The following PRKAR1B variants were observed in gnomAD, a reference collection of about 807,000 sequenced individuals.
The protein encoded by PRKAR1B is cAMP-dependent protein kinase type I-beta regulatory subunit.
A neutral mutation model predicts 46.5 loss-of-function variants in PRKAR1B; 22 were observed. The observed-to-expected ratio is 0.47, with a 90% CI of 0.34 to 0.68. PRKAR1B has a LOEUF of 0.68. PRKAR1B is among the 30% of genes least tolerant of loss of function. PRKAR1B has a pLI of 0.01. For missense variants in PRKAR1B, 445 were observed against 535.6 expected (o/e 0.83, Z 1.67); for synonymous variants, 259 against 217.7 (o/e 1.19, Z -1.67).
chr7:645,105 C>T (rs913909946), intron 4 of PRKAR1B, among the ~76,000 whole-genome samples: 13 of 152,178 alleles, frequency 8.5e-5, no homozygotes, highest in Admixed American at 3.3e-4. Flanking sequence ...CCACCACATC[C>T]TCCCCTCACA....
At chr7:656,913 A>G (rs1264324328) in intron 4 of PRKAR1B, among the ~76,000 whole-genome samples, 1 of 145,524 alleles carries the variant, frequency 6.9e-6, no homozygotes, top group Non-Finnish European at 1.5e-5. Flanking sequence ...GGATGGACGG[A>G]CGGATGGATG....
chr7:597,160 A>G (rs1159414514), intron 6 of PRKAR1B, among the ~76,000 whole-genome samples: 2 of 152,290 alleles, frequency 1.3e-5, no homozygotes, highest in African/African-American at 4.8e-5. Context: ...GAGCTTAAAG[A>G]ATAGTTCCCA....
At chr7:671,349 TC>T (rs1786244127) in intron 4 of PRKAR1B, among the ~76,000 whole-genome samples, 1 of 152,184 alleles carries the variant, frequency 6.6e-6, no homozygotes, top group South Asian at 2.1e-4. Flanking sequence ...TGTGGCTACT[TC>T]AAGAGGAACG....
intron 4 of PRKAR1B, among the ~76,000 whole-genome samples, chr7:614,434 C>A (rs1054107591): frequency 1.3e-5 from 2 of 152,188 alleles, no homozygotes; most frequent in African/African-American, 4.8e-5. Context: ...CCCCACTTCA[C>A]AGACAAGGAA....
rs1778603807 is a variant in PRKAR1B at position 680,463 on chromosome 7, G to A, written c.348+93C>T. On this transcript the variant is annotated intron_variant, in intron 3 of 10. Coordinates refer to ENST00000537384, the MANE Select transcript of PRKAR1B (RefSeq NM_001164760.2). Reference sequence around the variant, plus strand: ...AGGATGACACTGAGACCCCCAGGAGGATGAGGGTGCCCCGTGGGCTTCCAG... The same window carrying A: ...AGGATGACACTGAGACCCCCAGGAGAATGAGGGTGCCCCGTGGGCTTCCAG... The A allele has an allele frequency of 1.6e-5, 20 of 1,267,208 alleles. No homozygotes were observed. In the South Asian group the frequency reaches 1.8e-4, roughly 12 times the overall value. 78.5% of individuals were successfully genotyped at this position (1,267,208 alleles called of 1,614,324 possible). A position where few individuals can be genotyped will look rare whatever the true frequency, so the allele number is the denominator to read the frequency against.
chr7:724,757 C>G (rs1188545651), intron 1 of PRKAR1B, among the ~76,000 whole-genome samples: 1 of 152,244 alleles, frequency 6.6e-6, no homozygotes, highest in Non-Finnish European at 1.5e-5. Flanking sequence ...TAAGGGCTAT[C>G]TCATCCTGCA....
chr7:554,401 TTC>T (rs1302550974), intron 9 of PRKAR1B, among the ~76,000 whole-genome samples: 14 of 152,218 alleles, frequency 9.2e-5, no homozygotes, highest in Middle Eastern at 3.2e-3. Context: ...TTTTAACACT[TTC>T]TGTTTCACAG....
intron 1 of PRKAR1B, among the ~76,000 whole-genome samples, chr7:723,673 G>A (rs1431948594): frequency 6.6e-6 from 1 of 152,160 alleles, no homozygotes; most frequent in Non-Finnish European, 1.5e-5. Context: ...AGCCAAAGGG[G>A]TCCTTGAAAA....
In PRKAR1B at chr7:593,757, C is replaced by G. The variant is rs1781117443; in HGVS notation, c.708+2389G>C. 6.6e-6 allele frequency among the ~76,000 whole-genome samples: 1 copy of G among 152,180 alleles called. No individual in the cohort carries two copies. The highest frequency in any genetic ancestry group is 2.1e-4 in the South Asian group (1 of 4,832). ...ACAGAAGAGAGGGAGCGTGCAACTC[C>G]TCCCAGGAGGCTGCACATCATCTGT... On this transcript the variant is annotated intron_variant, in intron 7 of 10. Transcript: ENST00000537384. The surrounding 1 kb of genome is among the most constrained non-coding windows in gnomAD (Gnocchi z 6.1).
rs144436087 is a variant in PRKAR1B, at chr7:556,235, C to A, written c.892-4765G>T. Among the ~76,000 whole-genome samples, 271 of 152,206 alleles carry A rather than the reference C, an allele frequency of 1.8e-3. 1 individual carries two copies. The highest frequency in any genetic ancestry group is 6.1e-3 in the African/African-American group (254 of 41,532). On this transcript the variant is annotated intron_variant, in intron 9 of 10. Coordinates refer to ENST00000537384, the MANE Select transcript of PRKAR1B (RefSeq NM_001164760.2). ...TTCCCACCAAGAGTGACTGGACACC[C>A]ACCACGTGCCAGGCACCGTTTTAGG...
Position 644,055 on chromosome 7 carries a change from G to A in PRKAR1B, c.440+33174C>T, listed in dbSNP as rs1437668545. ...GGCTGCCCAGTGCTACGAAGCTAGG[G>A]GCGGCTGCTACACGGCCCACTACAC... On this transcript the variant is annotated intron_variant, in intron 4 of 10. Coordinates refer to ENST00000537384, the MANE Select transcript of PRKAR1B (RefSeq NM_001164760.2). The surrounding 1 kb of genome is among the most constrained non-coding windows in gnomAD (Gnocchi z 4.9). 6.6e-6 allele frequency among the ~76,000 whole-genome samples: 1 copy of A among 152,074 alleles called. No homozygotes were observed. The highest frequency in any genetic ancestry group is 1.5e-5 in the Non-Finnish European group (1 of 68,022).
chr7:618,890 T>C (rs1459051205), intron 4 of PRKAR1B, among the ~76,000 whole-genome samples: 1 of 152,202 alleles, frequency 6.6e-6, no homozygotes, highest in Non-Finnish European at 1.5e-5. Context: ...CTTAATTAGG[T>C]AGACATCTTT....
intron 10 of PRKAR1B, among the ~76,000 whole-genome samples, chr7:551,152 C>T (rs1784163801): frequency 6.6e-6 from 1 of 152,140 alleles, no homozygotes. Flanking sequence ...AAGGTCATGC[C>T]CTCTGGGGGA....
chr7:722,968 C>T (rs556742405), intron 1 of PRKAR1B, among the ~76,000 whole-genome samples: 18 of 152,306 alleles, frequency 1.2e-4, no homozygotes, highest in Admixed American at 2.0e-4. Context: ...CTGCCCTCCT[C>T]GTCTGCTTTA....
chr7:551,317 TC>T, intron 10 of PRKAR1B, 71 bp downstream of exon 10: 1 of 1,449,046 alleles, frequency 6.9e-7, no homozygotes, highest in Non-Finnish European at 9.4e-7. Flanking sequence ...GCTCCTCACC[TC>T]CAGGCCCCTC....
chr7:654,107 C>T (rs1223298749), intron 4 of PRKAR1B, among the ~76,000 whole-genome samples: 11 of 151,810 alleles, frequency 7.2e-5, no homozygotes, highest in African/African-American at 2.7e-4. Flanking sequence ...TCACCATCCT[C>T]CTCACCATCT....
At chr7:631,536 C>T (rs1190147835) in intron 4 of PRKAR1B, among the ~76,000 whole-genome samples, 1 of 152,142 alleles carries the variant, frequency 6.6e-6, no homozygotes, top group African/African-American at 2.4e-5. Flanking sequence ...ACACACAGCC[C>T]GAGGGGGAGA....
chr7:726,801 G>A lies in PRKAR1B; in HGVS notation c.-23+409C>T, dbSNP rs753902315. On this transcript the variant is annotated intron_variant, in intron 1 of 10. Transcript: ENST00000537384. ...CCGAGACGGCTGAGGCGGTGGAGCT[G>A]AGCCGCGCCCTGAGCCGCCTGCTGC... The A allele has an allele frequency of 1.6e-5, 21 of 1,306,026 alleles. 1 individual carries two copies. In the South Asian group the frequency reaches 4.5e-4, roughly 28 times the overall value. 80.9% of individuals were successfully genotyped at this position (1,306,026 alleles called of 1,614,324 possible).
At chr7:675,253 C>T (rs1189821729) in intron 4 of PRKAR1B, among the ~76,000 whole-genome samples, 2 of 152,226 alleles carry the variant, frequency 1.3e-5, no homozygotes, top group African/African-American at 2.4e-5. Flanking sequence ...ACTTCCTAGA[C>T]CCATCACCCC....
Sources: allele counts gnomAD v4.1 joint callset (sites outside exome capture counted in the v4.1 genomes callset), GRCh38; gene constraint gnomAD v4.1.1; non-coding constraint Gnocchi (gnomAD v3.1); transcripts MANE v1.5; gene names NCBI Gene and HGNC (gene_info 2026-07-23, HGNC 2026-07-21).